Variants in GRIN2A observed in about 807,000 individuals in gnomAD.
GRIN2A encodes the protein glutamate ionotropic receptor NMDA type subunit 2A, also known as glutamate receptor ionotropic, NMDA 2A.
GRIN2A carries 22 observed loss-of-function variants against 113.4 expected under a neutral mutation model. The observed-to-expected ratio is 0.19, with a 90% CI of 0.14 to 0.28. GRIN2A has a LOEUF of 0.28. GRIN2A is among the 10% of genes least tolerant of loss of function. The probability of loss-of-function intolerance (pLI) is 1.00; values close to 1 mark genes in which losing one functional copy is unlikely to be tolerated. For synonymous variants in GRIN2A, 827 were observed against 738.4 expected, an observed-to-expected ratio of 1.12 and a Z score of -1.94; for missense variants, 1,502 against 1,887.0, an observed-to-expected ratio of 0.80 and a Z score of 3.78.
intron 2 of GRIN2A, chr16:10,111,729 G>T: frequency 6.5e-7 from 1 of 1,534,516 alleles, no homozygotes; most frequent in Non-Finnish European, 9.0e-7. Context: ...GCTTCATCAC[G>T]GACCCCGTGG....
intron 5 of GRIN2A, 89 bp from the exon 6 acceptor site, chr16:9,841,193 T>C (rs1224673007): frequency 7.0e-6 from 8 of 1,139,018 alleles, no homozygotes; most frequent in African/African-American, 4.6e-5. Flanking sequence ...ATTTTTCAGA[T>C]GAGTAAACTG....
At chr16:9,813,107 A>T (rs2042117336) in intron 10 of GRIN2A, among the ~76,000 whole-genome samples, 1 of 152,234 alleles carries the variant, frequency 6.6e-6, no homozygotes, top group South Asian at 2.1e-4. Flanking sequence ...AACCTTTTCA[A>T]AAATAACTAT....
At chr16:10,103,816 A>C (rs374735459) in intron 2 of GRIN2A, among the ~76,000 whole-genome samples, 90 of 152,322 alleles carry the variant, frequency 5.9e-4, no homozygotes, top group African/African-American at 2.0e-3. Context: ...ATTCTAGAGC[A>C]CCATGGAATG....
intron 2 of GRIN2A, among the ~76,000 whole-genome samples, chr16:10,055,908 C>T (rs60002783): frequency 0.011 from 1,737 of 152,202 alleles, 35 homozygotes; most frequent in African/African-American, 0.039. Flanking sequence ...TTGTCACTCC[C>T]TAAACAGCAG....
intron 11 of GRIN2A, among the ~76,000 whole-genome samples, chr16:9,796,125 A>ATGTT (rs1902966404): frequency 1.3e-5 from 2 of 152,196 alleles, no homozygotes; most frequent in Admixed American, 1.3e-4. Flanking sequence ...GTCCCTAAAT[A>ATGTT]TGTTAGCTGT....
intron 11 of GRIN2A, among the ~76,000 whole-genome samples, chr16:9,783,244 T>C (rs2141187258): frequency 6.6e-6 from 1 of 152,342 alleles, no homozygotes; most frequent in East Asian, 1.9e-4. Context: ...TAGCTGCACT[T>C]TCCCCGTGGT....
intron 7 of GRIN2A, among the ~76,000 whole-genome samples, chr16:9,839,011 G>T (rs150976182): frequency 2.6e-5 from 4 of 151,992 alleles, no homozygotes; most frequent in Non-Finnish European, 5.9e-5. Context: ...TATATAATTC[G>T]TCCATATAAC....
intron 10 of GRIN2A, among the ~76,000 whole-genome samples, chr16:9,814,412 G>T (rs1567318123): frequency 6.6e-6 from 1 of 152,150 alleles, no homozygotes; most frequent in South Asian, 2.1e-4. Flanking sequence ...GATCGTAGGG[G>T]TGTTGTGAGG....
intron 4 of GRIN2A, among the ~76,000 whole-genome samples, chr16:9,861,528 G>C (rs1164699197): frequency 6.6e-6 from 1 of 152,204 alleles, no homozygotes; most frequent in African/African-American, 2.4e-5. Flanking sequence ...GAAACCAAAA[G>C]CAGATCTAAA....
chr16:9,811,293 A>G (rs189925091), intron 10 of GRIN2A, among the ~76,000 whole-genome samples: 3 of 152,304 alleles, frequency 2.0e-5, no homozygotes, highest in African/African-American at 7.2e-5. Flanking sequence ...TGGGTCTTCA[A>G]CTGAATGCTG....
chr16:9,932,618 A>C (rs1352558218), intron 3 of GRIN2A, among the ~76,000 whole-genome samples: 1 of 151,914 alleles, frequency 6.6e-6, no homozygotes, highest in African/African-American at 2.4e-5. Flanking sequence ...CCTGACCTCA[A>C]GTGATCTGCC....
At chr16:10,165,282 T>C (rs1333179176) in intron 2 of GRIN2A, among the ~76,000 whole-genome samples, 1 of 151,980 alleles carries the variant, frequency 6.6e-6, no homozygotes, top group Non-Finnish European at 1.5e-5. Flanking sequence ...TATAAAATTA[T>C]ATAGTGTGTA....
In GRIN2A at chr16:9,763,545, T is replaced by C. The variant is rs2141127673; in HGVS notation, c.3999A>G (p.Ser1333=). The C allele has an allele frequency of 6.2e-7, 1 of 1,613,946 alleles. No homozygotes were observed. The highest frequency in any genetic ancestry group is 1.1e-5 in the South Asian group (1 of 91,054). Residue 1333 remains serine, a synonymous_variant, in exon 13 of 13, where the codon TCA becomes TCG. Transcript: ENST00000330684. ...NFYGSLFSVP[S]SKLSGKKSSL... ...AGCTTTTTTTCCCCGAGAGTTTGCT[T>C]GAGGGGACACTAAACAGGCTGCCGT...
chr16:10,086,496 C>T (rs1331130042), intron 2 of GRIN2A, among the ~76,000 whole-genome samples: 2 of 150,620 alleles, frequency 1.3e-5, no homozygotes, highest in Non-Finnish European at 2.9e-5. Context: ...TCTGGCCAGA[C>T]TTAACTGCAA....
At chr16:10,073,581 G>C (rs960637257) in intron 2 of GRIN2A, among the ~76,000 whole-genome samples, 2 of 151,994 alleles carry the variant, frequency 1.3e-5, no homozygotes, top group Non-Finnish European at 2.9e-5. Flanking sequence ...TGATGTGTGA[G>C]GGTCAAAAAA....
rs71379061 is a variant in GRIN2A at position 9,913,990 on chromosome 16, A to G, written c.1008-22890T>C. On this transcript the variant is annotated intron_variant, in intron 3 of 12. Transcript: ENST00000330684. ...AAGAAAAAAAGAAAAGAACAAAATT[A>G]CAAAATCCATTACGTGAAGGCATTA... 1.4e-4 allele frequency among the ~76,000 whole-genome samples: 21 copies of G among 152,312 alleles called. No individual in the cohort carries two copies. In the South Asian group the frequency reaches 4.4e-3, roughly 32 times the overall value.
At chr16:10,004,284 G>A (rs1219110136) in intron 2 of GRIN2A, among the ~76,000 whole-genome samples, 1 of 151,900 alleles carries the variant, frequency 6.6e-6, no homozygotes, top group Non-Finnish European at 1.5e-5. Flanking sequence ...AGCTACTCAG[G>A]AGGCTGAGGC....
At chr16:9,779,494 T>A (rs1357719078) in intron 11 of GRIN2A, among the ~76,000 whole-genome samples, 4 of 150,546 alleles carry the variant, frequency 2.7e-5, no homozygotes, top group Non-Finnish European at 4.4e-5. Context: ...AGTTGTGGAA[T>A]GAAGAGAGAA....
At chr16:9,913,581 T>A (rs1203286463) in intron 3 of GRIN2A, among the ~76,000 whole-genome samples, 3 of 152,178 alleles carry the variant, frequency 2.0e-5, no homozygotes, top group Non-Finnish European at 4.4e-5. Flanking sequence ...TAACATAAGT[T>A]ATCGCATTTT....
Sources: allele counts gnomAD v4.1 joint callset (sites outside exome capture counted in the v4.1 genomes callset), GRCh38; gene constraint gnomAD v4.1.1; transcripts MANE v1.5; gene names NCBI Gene and HGNC (gene_info 2026-07-23, HGNC 2026-07-21).